GRIP1: variants seen among roughly 807,000 people sequenced by gnomAD.
GRIP1 encodes glutamate receptor interacting protein 1.
Under a neutral mutation model 129.9 loss-of-function variants are expected in GRIP1, and 45 were observed. The observed-to-expected ratio is 0.35, with a 90% CI of 0.27 to 0.44. The LOEUF (loss-of-function observed/expected upper bound fraction) is 0.44, where lower values mean the gene tolerates loss of function less well. Ranked by LOEUF, GRIP1 falls within the 20% of genes least tolerant of loss-of-function variation. The pLI, the probability that GRIP1 is intolerant of heterozygous loss-of-function variation, is 1.00. For missense variants in GRIP1, 1,196 were observed against 1,396.8 expected (o/e 0.86, Z 2.29); for synonymous variants, 530 against 520.8 (o/e 1.02, Z -0.24).
chr12:66,785,545 C>T (rs567737201), intron 1 of GRIP1, among the ~76,000 whole-genome samples: 4 of 151,382 alleles, frequency 2.6e-5, no homozygotes, highest in African/African-American at 7.3e-5. Flanking sequence ...GGAAATATTT[C>T]GGGTGGGAGA....
chr12:66,579,842 T>C (rs1592589277), intron 2 of GRIP1, among the ~76,000 whole-genome samples: 1 of 150,668 alleles, frequency 6.6e-6, no homozygotes, highest in Non-Finnish European at 1.5e-5. Context: ...TGCAGGATAT[T>C]ATCCAGGAGA....
intron 1 of GRIP1, among the ~76,000 whole-genome samples, chr12:66,934,760 T>G (rs771630667): frequency 5.3e-5 from 8 of 152,194 alleles, no homozygotes; most frequent in African/African-American, 1.2e-4. Flanking sequence ...CACAAGTAAG[T>G]GCTTGTTTAA....
At chr12:66,515,812 G>A (rs1389240076) in intron 6 of GRIP1, 48 bp from the exon 7 acceptor site, 1 of 1,528,140 alleles carries the variant, frequency 6.5e-7, no homozygotes, top group East Asian at 2.3e-5. Flanking sequence ...GCATAATGGG[G>A]CTTAGTATTA....
At chr12:66,470,842 C>A (rs1284155121) in intron 7 of GRIP1, among the ~76,000 whole-genome samples, 1 of 152,224 alleles carries the variant, frequency 6.6e-6, no homozygotes, top group African/African-American at 2.4e-5. Flanking sequence ...AGGGACCATA[C>A]CCTACTAAGC....
chr12:66,536,951 G>C (rs541076291), intron 4 of GRIP1, among the ~76,000 whole-genome samples: 1 of 152,106 alleles, frequency 6.6e-6, no homozygotes, highest in African/African-American at 2.4e-5. Context: ...AATAATAGGA[G>C]AGGTGGTGCT....
intron 1 of GRIP1, among the ~76,000 whole-genome samples, chr12:66,796,517 G>A (rs2038703723): frequency 6.6e-6 from 1 of 152,034 alleles, no homozygotes; most frequent in Non-Finnish European, 1.5e-5. Flanking sequence ...CTCCAAGAAG[G>A]AACACTGTAT....
chr12:66,666,751 T>C (rs1202292354), intron 1 of GRIP1, among the ~76,000 whole-genome samples: 1 of 152,192 alleles, frequency 6.6e-6, no homozygotes, highest in South Asian at 2.1e-4. Flanking sequence ...TCCAGTCATT[T>C]TTTTTCTAAG....
chr12:66,630,161 G>A (rs912360180), intron 1 of GRIP1: 2 of 152,132 alleles, frequency 1.3e-5, no homozygotes, highest in African/African-American at 4.8e-5. Context: ...GGCCAGCCTG[G>A]GCAACATGGT....
chr12:66,865,179 A>G (rs2040181802), intron 1 of GRIP1, among the ~76,000 whole-genome samples: 1 of 152,180 alleles, frequency 6.6e-6, no homozygotes, highest in Admixed American at 6.6e-5. Context: ...CACGGCAAGA[A>G]GACCATTGCT....
chr12:67,065,035 G>A (rs1250615160), intron 1 of GRIP1: 1 of 151,232 alleles, frequency 6.6e-6, no homozygotes, highest in Non-Finnish European at 1.5e-5. Context: ...AGTTTACTGA[G>A]AATGATGATT....
chr12:66,879,998 T>C (rs989728411), intron 1 of GRIP1, among the ~76,000 whole-genome samples: 5 of 152,076 alleles, frequency 3.3e-5, no homozygotes, highest in African/African-American at 1.2e-4. Flanking sequence ...GCAGTGTTCA[T>C]GCTAAGGCCT....
intron 1 of GRIP1, chr12:66,647,417 T>C (rs1711834372): frequency 1.3e-5 from 2 of 152,226 alleles, no homozygotes; most frequent in Admixed American, 1.3e-4. Flanking sequence ...TGGAATATTT[T>C]TCAGTTTCCT....
intron 1 of GRIP1, among the ~76,000 whole-genome samples, chr12:66,746,221 A>AT (rs1480054996): frequency 6.6e-6 from 1 of 152,196 alleles, no homozygotes; most frequent in Non-Finnish European, 1.5e-5. Context: ...TAGAAGAGAA[A>AT]TCAATCTCTA....
chr12:66,708,255 A>G (rs2136386814), intron 1 of GRIP1, among the ~76,000 whole-genome samples: 1 of 152,148 alleles, frequency 6.6e-6, no homozygotes, highest in South Asian at 2.1e-4. Context: ...TCAATAATTG[A>G]TAAACAGAAT....
intron 9 of GRIP1, 87 bp downstream of exon 9, chr12:66,462,837 C>CCAGTGTCTT: frequency 2.3e-6 from 2 of 879,468 alleles, no homozygotes; most frequent in Non-Finnish European, 1.9e-6. Flanking sequence ...AGAATGAGAC[C>CCAGTGTCTT]CAGTGTCTTT....
intron 1 of GRIP1, among the ~76,000 whole-genome samples, chr12:66,646,703 T>C (rs2032398685): frequency 6.6e-6 from 1 of 152,202 alleles, no homozygotes; most frequent in South Asian, 2.1e-4. Context: ...CTAGTTTTCA[T>C]TCCCTTCACC....
chr12:66,681,767 T>C (rs2034592781), upstream of GRIP1, among the ~76,000 whole-genome samples: 1 of 152,200 alleles, frequency 6.6e-6, no homozygotes, highest in African/African-American at 2.4e-5. Flanking sequence ...TTTACCCCTC[T>C]TAAAAACACA....
rs533830879 is a variant in GRIP1, at chr12:66,547,223, G to A, written c.137-5273C>T. The stretch of plus-strand genomic sequence containing the variant: ...TTACTTAAAAATTAAAACTACAATT[G>A]ATATCATTACACACTTATCAGAAAG... On this transcript the variant is annotated intron_variant, in intron 2 of 24. Coordinates refer to ENST00000359742, the MANE Select transcript of GRIP1 (RefSeq NM_001366722.1). 3.3e-5 allele frequency among the ~76,000 whole-genome samples: 5 copies of A among 152,172 alleles called. No homozygotes were observed. The South Asian group carries it at 1.0e-3, about 32-fold the overall frequency.
At chr12:67,011,611 A>ATT (rs576675687) in intron 1 of GRIP1, among the ~76,000 whole-genome samples, 15 of 140,572 alleles carry the variant, frequency 1.1e-4, no homozygotes, top group Non-Finnish European at 1.7e-4. Context: ...CATATCCTCT[A>ATT]TTTTTTTTTT....
Sources: gnomAD v4.1 joint callset for allele counts (sites outside exome capture counted in the v4.1 genomes callset) on GRCh38, gnomAD v4.1.1 for gene constraint, MANE v1.5 for transcripts, NCBI Gene and HGNC (gene_info 2026-07-23, HGNC 2026-07-21) for gene names.